Variants in HRAS observed in about 807,000 individuals in gnomAD.
The protein encoded by HRAS is GTPase HRas.
In HRAS, 11 loss-of-function variants were observed where a neutral mutation model predicts 19.8. The observed-to-expected ratio is 0.55, with a 90% CI of 0.35 to 0.92. HRAS has a LOEUF of 0.92. Ranked by LOEUF, HRAS falls within the 40% of genes least tolerant of loss-of-function variation. HRAS has a pLI of 0.01. For synonymous variants in HRAS, 149 were observed against 105.5 expected (o/e 1.41, Z -2.52); for missense variants, 204 against 255.9 (o/e 0.80, Z 1.38).
In HRAS at chr11:533,520, C is replaced by G. The variant is rs1554884794; in HGVS notation, c.383G>C (p.Arg128Pro). Residue 128 changes from arginine to proline, a missense_variant, in exon 4 of 6, where the codon CGG becomes CCG. By Grantham distance (103) the Arg-to-Pro change is moderately radical (BLOSUM62 -2). Around this residue, in one of 4 missense-constraint regions of HRAS, gnomAD observed 142 missense variants for 141.1 expected, o/e 1.01. Transcript: ENST00000311189. ...GCTTCGGGCGAGGTCCTGAGCCTGC[C>G]GAGATTCCACAGTGCGTGCAGCCAG... ...CDLAARTVES[R>P]QAQDLARSYG... 1 of 1,613,680 alleles carries G rather than the reference C, an allele frequency of 6.2e-7. No homozygotes were observed. Among genetic ancestry groups the G allele is most frequent in the Non-Finnish European group, 8.5e-7 (1 of 1,179,998 alleles).
rs587780953 is a variant in HRAS, at chr11:532,617, G to T, written c.*5+14C>A. On this transcript the variant is annotated intron_variant, in intron 5 of 5. Coordinates refer to ENST00000311189, the MANE Select transcript of HRAS (RefSeq NM_005343.4). ...TCCGGTGGGCGTGGCGGCCGCCCTG[G>T]GAGTCCCCCTCACCTGCGTCAGGAG... 6.2e-7 allele frequency: 1 copy of T among 1,607,394 alleles called. No homozygotes were observed. Among genetic ancestry groups the T allele is most frequent in the Non-Finnish European group, 8.5e-7 (1 of 1,179,282 alleles).
chr11:535,205 G>T (rs1198945750), intron 1 of HRAS: 2 of 150,742 alleles, frequency 1.3e-5, no homozygotes, highest in African/African-American at 4.9e-5. Context: ...ATTCCCGCAG[G>T]CCCCAGGGAG....
Position 534,390 on chromosome 11 carries a change from C to A in HRAS, c.-53-15G>T. 7.5e-7 allele frequency: 1 copy of A among 1,334,892 alleles called. No homozygotes were observed. Among genetic ancestry groups the A allele is most frequent in the South Asian group, 1.2e-5 (1 of 83,598 alleles). The allele number at this position is 1,334,892 out of a possible 1,614,324, so 82.7% of individuals were successfully genotyped here. ...TCCTGCCCCACCTGCCAAGGAGGGC[C>A]CTGCTCAGCCAGGCCCAGGCCCAGC... On this transcript the variant is annotated splice_polypyrimidine_tract_variant and intron_variant, in intron 1 of 5. Transcript: ENST00000311189.
In HRAS at chr11:534,740, G is replaced by A. The variant is rs1478730314; in HGVS notation, c.-53-365C>T. Among the ~76,000 whole-genome samples, 198 of 152,358 alleles carry A rather than the reference G, an allele frequency of 1.3e-3. 3 individuals are homozygous for A. Among genetic ancestry groups the A allele is most frequent in the Non-Finnish European group, 2.2e-4 (15 of 68,030 alleles). Reference sequence around the variant, plus strand: ...CCTCCAGAACAGGTCTGGCCACGGCGGAGCGCGCCACGGCGTGCCCGGGCA... The same window carrying A: ...CCTCCAGAACAGGTCTGGCCACGGCAGAGCGCGCCACGGCGTGCCCGGGCA... On this transcript the variant is annotated intron_variant, in intron 1 of 5. Coordinates refer to ENST00000311189, the MANE Select transcript of HRAS (RefSeq NM_005343.4).
intron 5 of HRAS, 28 bp downstream of exon 5, chr11:532,603 T>TGGCGGCCGC: frequency 6.2e-7 from 1 of 1,600,028 alleles, no homozygotes; most frequent in Non-Finnish European, 8.5e-7. Flanking sequence ...CCGGTGGGCG[T>TGGCGGCCGC]GGCGGCCGCC....
chr11:534,630 A>C (rs1483454323), intron 1 of HRAS: 2 of 494,026 alleles, frequency 4.0e-6, no homozygotes, highest in Non-Finnish European at 7.4e-6. Flanking sequence ...CTGACAGCTG[A>C]GCGCTCTCAA....
intron 1 of HRAS, chr11:534,597 G>A (rs1589794377): frequency 1.8e-6 from 1 of 555,464 alleles, no homozygotes. Flanking sequence ...ATGGGAAAAG[G>A]GACCCAGCCC....
At chr11:534,532 C>G in intron 1 of HRAS, 157 bp from the exon 2 acceptor site, 1 of 598,436 alleles carries the variant, frequency 1.7e-6, no homozygotes, top group Non-Finnish European at 3.0e-6. Context: ...GCAGCTGCAA[C>G]CCAGCGTGCG....
At chr11:534,930 G>A (rs936796843) in intron 1 of HRAS, among the ~76,000 whole-genome samples, 6 of 152,250 alleles carry the variant, frequency 3.9e-5, no homozygotes, top group Admixed American at 3.3e-4. Flanking sequence ...AGCTGGAGAA[G>A]ACAGAGGAGC....
chr11:535,226 C>T (rs1464585379), intron 1 of HRAS, 190 bp downstream of exon 1: 1 of 149,686 alleles, frequency 6.7e-6, no homozygotes, highest in Non-Finnish European at 1.5e-5. Context: ...GAAGGGGCCC[C>T]CGCCCGCCGC....
chr11:532,713 G>T lies in HRAS; in HGVS notation c.493C>A (p.Gln165Lys). 6.2e-7 allele frequency: 1 copy of T among 1,613,194 alleles called. No homozygotes were observed. Among genetic ancestry groups the T allele is most frequent in the South Asian group, 1.1e-5 (1 of 91,088 alleles). Residue 165 changes from glutamine (Q) to lysine (K), a missense_variant, in exon 5 of 6, where the codon CAG becomes AAG. Physicochemically the swap from Gln to Lys is moderately conservative, Grantham distance 53 (BLOSUM62 1). Coordinates refer to ENST00000311189, the MANE Select transcript of HRAS (RefSeq NM_005343.4). ...GGGTTCAGCTTCCGCAGCTTGTGCT[G>T]CCGGATCTCACGCACCAACGTGTAG... ...AFYTLVREIR[Q>K]HKLRKLNPPD... is the part of the protein sequence containing the mutation.
chr11:533,394 C>G (rs2133985615), intron 4 of HRAS, 59 bp downstream of exon 4: 1 of 1,524,048 alleles, frequency 6.6e-7, no homozygotes, highest in Non-Finnish European at 9.1e-7. Flanking sequence ...GTGCTGCTCC[C>G]TGGCTGGGGC....
At chr11:532,554 C>G (rs1851165417) in intron 5 of HRAS, 32 bp from the exon 6 acceptor site, 1 of 1,560,318 alleles carries the variant, frequency 6.4e-7, no homozygotes, top group Non-Finnish European at 8.6e-7. Flanking sequence ...CTGCTGACCG[C>G]AGGCCAGGAG....
intron 3 of HRAS, 24 bp from the exon 4 acceptor site, chr11:533,636 G>C (rs747207297): frequency 6.2e-7 from 1 of 1,613,516 alleles, no homozygotes; most frequent in South Asian, 1.1e-5. Context: ...AGCGAGAGCT[G>C]GCTACGGGGG....
At position 534,347 on chromosome 11, in the gene HRAS, G is replaced by T. The variant is rs866154247; in HGVS notation, c.-25C>A. The T allele has an allele frequency of 6.3e-7, 1 of 1,583,660 alleles. No individual in the cohort carries two copies. On this transcript the variant is annotated 5_prime_UTR_variant, in exon 2 of 6. Coordinates refer to ENST00000311189, the MANE Select transcript of HRAS (RefSeq NM_005343.4). ...TCGCTCCTCAGGGGCCTGCGGCCCG[G>T]GGTCCTCCTACAGGGTCTCCTGCCC...
At chr11:533,398 C>T in intron 4 of HRAS, 55 bp downstream of exon 4, 1 of 1,443,912 alleles carries the variant, frequency 6.9e-7, no homozygotes, top group Admixed American at 1.7e-5. Context: ...TGCTCCCTGG[C>T]TGGGGCGGGG....
chr11:533,834 G>C lies in HRAS; in HGVS notation c.222C>G (p.Thr74=), dbSNP rs372223975. 6.2e-7 allele frequency: 1 copy of C among 1,613,332 alleles called. No individual in the cohort carries two copies. The highest frequency in any genetic ancestry group is 8.5e-7 in the Non-Finnish European group (1 of 1,179,982). ...YSAMRDQYMR[T]GEGFLCVFAI... is the part of the protein sequence containing the mutation. The stretch of plus-strand genomic sequence containing the variant: ...CAAACACACACAGGAAGCCCTCCCC[G>C]GTGCGCATGTACTGGTCCCGCATGG... Residue 74 remains threonine (T), a synonymous_variant, in exon 3 of 6, where the codon ACC becomes ACG. Transcript: ENST00000311189.
rs1589793537 is a variant in HRAS at position 534,200 on chromosome 11, C to T, written c.111+12G>A. The T allele has an allele frequency of 3.1e-6, 5 of 1,596,564 alleles. No homozygotes were observed. The highest frequency in any genetic ancestry group is 1.1e-5 in the South Asian group (1 of 90,796). ...GCAGCTGCTGGCACCTGGACGGCGG[C>T]GCCAGGCTCACCTCTATAGTGGGGT... On this transcript the variant is annotated intron_variant, in intron 2 of 5. Coordinates refer to ENST00000311189, the MANE Select transcript of HRAS (RefSeq NM_005343.4).
At position 532,772 on chromosome 11, in the gene HRAS, G is replaced by C. The variant is rs754150592; in HGVS notation, c.451-17C>G. ...CTCCACTCCCTGGGAAAGGAGGGATGGGATCAGGAGGGACCGGCCTGTGGC... is the reference window on the plus strand; with the variant it reads ...CTCCACTCCCTGGGAAAGGAGGGATCGGATCAGGAGGGACCGGCCTGTGGC... On this transcript the variant is annotated splice_polypyrimidine_tract_variant and intron_variant, in intron 4 of 5. Transcript: ENST00000311189. 1 of 1,610,894 alleles carries C rather than the reference G, an allele frequency of 6.2e-7. No homozygotes were observed.
Sources: gnomAD v4.1 joint callset for allele counts (sites outside exome capture counted in the v4.1 genomes callset) on GRCh38, gnomAD v4.1.1 for gene constraint, gnomAD v4.1.1 regional missense constraint, MANE v1.5 for transcripts, NCBI Gene and HGNC (gene_info 2026-07-23, HGNC 2026-07-21) for gene names.